PCCB: variants seen among roughly 807,000 people sequenced by gnomAD.
PCCB encodes the protein propionyl-CoA carboxylase beta chain, mitochondrial.
PCCB carries 43 observed loss-of-function variants against 60.7 expected under a neutral mutation model. That is an observed-to-expected ratio of 0.71 (90% confidence interval 0.55 to 0.91). The LOEUF (loss-of-function observed/expected upper bound fraction) is 0.91, where lower values mean the gene tolerates loss of function less well. PCCB is among the 40% of genes least tolerant of loss of function. The pLI, the probability that PCCB is intolerant of heterozygous loss-of-function variation, is 0.00. For missense variants in PCCB, 766 were observed against 702.8 expected (o/e 1.09, Z -1.02); for synonymous variants, 276 against 255.9 (o/e 1.08, Z -0.75).
At chr3:136,273,911 CAAAAAAAAAAAAAAA>C (rs34690853) in intron 5 of PCCB, among the ~76,000 whole-genome samples, 2 of 55,488 alleles carry the variant, frequency 3.6e-5, no homozygotes, top group African/African-American at 1.3e-4. Context: ...GACTCTGTCT[CAAAAAAAAAAAAAAA>C]AAAAAAAAAA....
At chr3:136,272,828 C>T (rs748469540) in intron 5 of PCCB, among the ~76,000 whole-genome samples, 1 of 151,880 alleles carries the variant, frequency 6.6e-6, no homozygotes, top group Non-Finnish European at 1.5e-5. Context: ...TCCTTTAGTT[C>T]TGCTCTGATC....
In PCCB at chr3:136,283,880, T is replaced by C. The variant is rs1263611573; in HGVS notation, c.587T>C (p.Ile196Thr). ...GGAGTCATCCCTCAGATTTCTCTGA[T>C]CATGGGCCCATGTGCTGGTGGGGCC... ...ASGVIPQISL[I>T]MGPCAGGAVY... is the part of the protein sequence containing the mutation. Residue 196 changes from isoleucine (I) to threonine (T), a missense_variant, in exon 6 of 15, where the codon ATC becomes ACC. Transcript: ENST00000251654. 6.2e-7 allele frequency: 1 copy of C among 1,613,992 alleles called. No individual in the cohort carries two copies. The highest frequency in any genetic ancestry group is 8.5e-7 in the Non-Finnish European group (1 of 1,179,878).
intron 8 of PCCB, among the ~76,000 whole-genome samples, chr3:136,298,659 G>A (rs921819407): frequency 2.6e-5 from 4 of 152,192 alleles, no homozygotes; most frequent in Admixed American, 1.3e-4. Context: ...ATCTGGTGAA[G>A]ACCTTTCCTT....
At chr3:136,282,459 T>A (rs1184226191) in intron 5 of PCCB, among the ~76,000 whole-genome samples, 1 of 152,320 alleles carries the variant, frequency 6.6e-6, no homozygotes, top group South Asian at 2.1e-4. Flanking sequence ...TTTAGCTGTA[T>A]TTTTTGAGTT....
chr3:136,295,984 G>GA (rs1933916942), intron 7 of PCCB, among the ~76,000 whole-genome samples: 1 of 152,148 alleles, frequency 6.6e-6, no homozygotes, highest in Admixed American at 6.5e-5. Flanking sequence ...GAGGCTCTTT[G>GA]ATGGACTGTG....
chr3:136,270,159 A>G (rs907928721), intron 5 of PCCB, among the ~76,000 whole-genome samples: 3 of 152,124 alleles, frequency 2.0e-5, no homozygotes, highest in Non-Finnish European at 4.4e-5. Flanking sequence ...ATGATATGGT[A>G]TGTAACATTA....
chr3:136,258,863 T>C (rs1444238351), intron 3 of PCCB, among the ~76,000 whole-genome samples: 1 of 151,934 alleles, frequency 6.6e-6, no homozygotes, highest in Non-Finnish European at 1.5e-5. Context: ...CCACTTTCCA[T>C]GGTTCCTGGG....
chr3:136,260,388 T>G, intron 3 of PCCB, 91 bp from the exon 4 acceptor site: 1 of 1,144,312 alleles, frequency 8.7e-7, no homozygotes, highest in South Asian at 1.3e-5. Flanking sequence ...TAAAAACTTT[T>G]ATCTGTGAAT....
chr3:136,266,304 T>G (rs1941981659), intron 5 of PCCB, among the ~76,000 whole-genome samples: 1 of 152,096 alleles, frequency 6.6e-6, no homozygotes, highest in African/African-American at 2.4e-5. Flanking sequence ...AATTTTGGTA[T>G]TTTTAGTGGA....
At chr3:136,319,728 T>G (rs974962285) in intron 10 of PCCB, among the ~76,000 whole-genome samples, 5 of 152,198 alleles carry the variant, frequency 3.3e-5, no homozygotes, top group Non-Finnish European at 7.3e-5. Flanking sequence ...TAAATCTGAT[T>G]TCTGTATTTT....
At chr3:136,286,559 G>A (rs1380795328) in intron 6 of PCCB, among the ~76,000 whole-genome samples, 1 of 152,124 alleles carries the variant, frequency 6.6e-6, no homozygotes, top group Non-Finnish European at 1.5e-5. Flanking sequence ...GCCTTGACTC[G>A]TCTTTTGCTA....
chr3:136,288,065 A>G (rs1576330050), intron 6 of PCCB, among the ~76,000 whole-genome samples: 1 of 152,186 alleles, frequency 6.6e-6, no homozygotes, highest in Non-Finnish European at 1.5e-5. Flanking sequence ...TGCTTGTGGT[A>G]TAGTCTCTTA....
intron 5 of PCCB, among the ~76,000 whole-genome samples, chr3:136,273,602 T>TTTC (rs1198792223): frequency 4.0e-4 from 55 of 137,644 alleles, no homozygotes; most frequent in African/African-American, 1.5e-3. Flanking sequence ...TTTTTCTTTT[T>TTTC]TTTTTTTTTT....
At position 136,254,350 on chromosome 3, in the gene PCCB, C is replaced by A. The variant is rs532762191; in HGVS notation, c.184-1506C>A. ...TCTCTTGCCTCAGCCTCCCGAGTAG[C>A]TGGGACTACAGGTGGGTGCTACCAA... On this transcript the variant is annotated intron_variant, in intron 1 of 14. Transcript: ENST00000251654. Among the ~76,000 whole-genome samples the A allele has an allele frequency of 1.2e-4, 18 of 151,740 alleles. 1 individual carries two copies. The South Asian group carries it at 3.8e-3, about 32-fold the overall frequency.
intron 7 of PCCB, among the ~76,000 whole-genome samples, chr3:136,295,624 G>A: frequency 6.6e-6 from 1 of 152,154 alleles, no homozygotes; most frequent in South Asian, 2.1e-4. Flanking sequence ...GAAATATGCT[G>A]TTTATTTTTC....
At chr3:136,293,238 A>G (rs955103519) in intron 6 of PCCB, among the ~76,000 whole-genome samples, 1 of 152,200 alleles carries the variant, frequency 6.6e-6, no homozygotes, top group African/African-American at 2.4e-5. Context: ...CCTGGCCTGA[A>G]GTGATCCTCC....
At chr3:136,304,153 T>A in intron 9 of PCCB, among the ~76,000 whole-genome samples, 1 of 114,004 alleles carries the variant, frequency 8.8e-6, no homozygotes, top group African/African-American at 2.6e-5. Flanking sequence ...TCTTCGTCTT[T>A]TTTTTTTTTT....
chr3:136,318,604 T>C (rs1314060363), intron 10 of PCCB, among the ~76,000 whole-genome samples: 1 of 152,250 alleles, frequency 6.6e-6, no homozygotes, highest in Non-Finnish European at 1.5e-5. Flanking sequence ...TTTCTCTCTC[T>C]ATGAATTTGC....
rs1253043555 is a variant in PCCB at position 136,327,364 on chromosome 3, A to G, written c.1299+109A>G. On this transcript the variant is annotated intron_variant, in intron 12 of 14. Transcript: ENST00000251654. ...GGGCTGGAAGGAGTACACCTTGCTCATCCTTAAAAAGATCTCTTGAGGATG... is the reference window on the plus strand; with the variant it reads ...GGGCTGGAAGGAGTACACCTTGCTCGTCCTTAAAAAGATCTCTTGAGGATG... 3 of 836,854 alleles carry G rather than the reference A, an allele frequency of 3.6e-6. No homozygotes were observed. In the African/African-American group the frequency reaches 5.0e-5, roughly 14 times the overall value. 51.8% of individuals were successfully genotyped at this position (836,854 alleles called of 1,614,324 possible).
Sources: gnomAD v4.1 joint callset for allele counts (sites outside exome capture counted in the v4.1 genomes callset) on GRCh38, gnomAD v4.1.1 for gene constraint, MANE v1.5 for transcripts, NCBI Gene and HGNC (gene_info 2026-07-23, HGNC 2026-07-21) for gene names.